GRID2: variants seen among roughly 807,000 people sequenced by gnomAD.
GRID2 encodes the protein glutamate receptor ionotropic, delta-2.
In GRID2, 33 loss-of-function variants were observed where a neutral mutation model predicts 114.8. That is an observed-to-expected ratio of 0.29 (90% CI 0.22 to 0.38). GRID2 has a LOEUF of 0.38. GRID2 is among the 10% of genes least tolerant of loss of function. GRID2 has a pLI of 1.00. For missense variants in GRID2, 1,184 were observed against 1,257.7 expected, an observed-to-expected ratio of 0.94 and a Z score of 0.89; for synonymous variants, 505 against 449.9, an observed-to-expected ratio of 1.12 and a Z score of -1.55.
intron 8 of GRID2, among the ~76,000 whole-genome samples, chr4:93,264,853 G>GCTCACTGCA (rs1750643914): frequency 6.6e-6 from 1 of 150,810 alleles, no homozygotes; most frequent in African/African-American, 2.4e-5. Flanking sequence ...CACAATCTCA[G>GCTCACTGCA]CTCACTGCAA....
intron 1 of GRID2, among the ~76,000 whole-genome samples, chr4:92,438,367 C>A (rs1300626887): frequency 6.6e-6 from 1 of 151,970 alleles, no homozygotes; most frequent in African/African-American, 2.4e-5. Context: ...TACTCAGATG[C>A]AATGATTGAT....
intron 2 of GRID2, among the ~76,000 whole-genome samples, chr4:92,713,153 C>T (rs1045414710): frequency 2.0e-5 from 3 of 150,020 alleles, no homozygotes; most frequent in African/African-American, 4.9e-5. Context: ...CCGCTCCCCC[C>T]ACCCCACAAC....
In GRID2 at chr4:93,080,863, C is replaced by T. The variant is rs570719974; in HGVS notation, c.245-4132C>T. ...AGAGGCTGGGAAGTCAAGATCAATA[C>T]ACTGGCGTCTGGAGAAGGTCTTCTT... On this transcript the variant is annotated intron_variant, in intron 2 of 15. Transcript: ENST00000282020. 3.0e-3 allele frequency among the ~76,000 whole-genome samples: 460 copies of T among 152,292 alleles called. 1 individual carries two copies. Among genetic ancestry groups the T allele is most frequent in the African/African-American group, 0.011 (447 of 41,564 alleles).
At chr4:93,303,922 T>G (rs1359455645) in intron 8 of GRID2, among the ~76,000 whole-genome samples, 1 of 152,126 alleles carries the variant, frequency 6.6e-6, no homozygotes, top group African/African-American at 2.4e-5. Context: ...TTTTACAAAT[T>G]TTATCTGAGG....
At chr4:93,029,510 T>C (rs1724190233) in intron 2 of GRID2, among the ~76,000 whole-genome samples, 1 of 152,134 alleles carries the variant, frequency 6.6e-6, no homozygotes, top group Admixed American at 6.6e-5. Context: ...AATATTAAAC[T>C]GTGTTTGTTT....
At chr4:92,970,167 CAT>C (rs986778221) in intron 2 of GRID2, among the ~76,000 whole-genome samples, 1 of 151,798 alleles carries the variant, frequency 6.6e-6, no homozygotes, top group African/African-American at 2.4e-5. Flanking sequence ...GTAAGAATGC[CAT>C]AGAGTGCAGA....
At position 93,208,850 on chromosome 4, in the gene GRID2, C is replaced by G. The variant is rs182274535; in HGVS notation, c.789+1393C>G. On this transcript the variant is annotated intron_variant, in intron 5 of 15. Transcript: ENST00000282020. ...CTTTTCAATAAAGTTCTGGTACCTT[C>G]TAAGTTTCTAGTATGTCTTAATTTT... Among the ~76,000 whole-genome samples, 234 of 151,970 alleles carry G rather than the reference C, an allele frequency of 1.5e-3. 1 individual carries two copies. The highest frequency in any genetic ancestry group is 5.8e-3 in the Admixed American group (89 of 15,226).
Position 93,484,784 on chromosome 4 carries a change from C to T in GRID2, c.1859-5855C>T, listed in dbSNP as rs768450575. On this transcript the variant is annotated intron_variant, in intron 11 of 15. Coordinates refer to ENST00000282020, the MANE Select transcript of GRID2 (RefSeq NM_001510.4). ...CATCCAGTTAGGTCACAGTTCACTACGCATGAAGAAACCTTGAGGCCAAAC... is the reference window on the plus strand; with the variant it reads ...CATCCAGTTAGGTCACAGTTCACTATGCATGAAGAAACCTTGAGGCCAAAC... Among the ~76,000 whole-genome samples the T allele has an allele frequency of 1.4e-4, 22 of 151,968 alleles. 1 individual carries two copies. Among genetic ancestry groups the T allele is most frequent in the Admixed American group, 5.3e-4 (8 of 15,222 alleles).
At chr4:93,277,870 A>T (rs1200381383) in intron 8 of GRID2, among the ~76,000 whole-genome samples, 1 of 151,956 alleles carries the variant, frequency 6.6e-6, no homozygotes, top group Non-Finnish European at 1.5e-5. Flanking sequence ...AACAGAGGGA[A>T]CACGTATTGA....
At chr4:92,539,029 A>C (rs2149160488) in intron 1 of GRID2, among the ~76,000 whole-genome samples, 1 of 145,642 alleles carries the variant, frequency 6.9e-6, no homozygotes, top group South Asian at 2.3e-4. Flanking sequence ...GCGACAGAGC[A>C]AGACTCCATC....
At chr4:93,440,123 G>A (rs1322674541) in intron 10 of GRID2, among the ~76,000 whole-genome samples, 1 of 152,008 alleles carries the variant, frequency 6.6e-6, no homozygotes, top group African/African-American at 2.4e-5. Flanking sequence ...ATGAAGAAGG[G>A]TTCTCAGCTG....
chr4:93,444,624 A>G (rs1183496484), intron 10 of GRID2, among the ~76,000 whole-genome samples: 1 of 152,030 alleles, frequency 6.6e-6, no homozygotes, highest in African/African-American at 2.4e-5. Flanking sequence ...TCAAAGCGAA[A>G]ATATGTAAAT....
chr4:93,205,326 G>C (rs1742592562), intron 4 of GRID2, among the ~76,000 whole-genome samples: 1 of 151,648 alleles, frequency 6.6e-6, no homozygotes, highest in Admixed American at 6.6e-5. Flanking sequence ...GATAATAATA[G>C]TCCCTGGAGT....
intron 4 of GRID2, among the ~76,000 whole-genome samples, chr4:93,122,895 T>TTTTTTG (rs1337266458): frequency 6.8e-6 from 1 of 147,652 alleles, no homozygotes; most frequent in Non-Finnish European, 1.5e-5. Context: ...TGTGGGTTTT[T>TTTTTTG]TTTTTTTTTT....
chr4:92,649,749 TC>T (rs1327959621), intron 2 of GRID2, among the ~76,000 whole-genome samples: 2 of 152,124 alleles, frequency 1.3e-5, no homozygotes, highest in East Asian at 3.9e-4. Flanking sequence ...TGGAACTAAT[TC>T]TTTCCTCTGA....
chr4:93,701,614 C>A (rs560631195), intron 14 of GRID2, among the ~76,000 whole-genome samples: 1 of 152,042 alleles, frequency 6.6e-6, no homozygotes, highest in African/African-American at 2.4e-5. Flanking sequence ...AGAAACAGAC[C>A]ATTTTGATAA....
chr4:93,283,437 A>G (rs556450649), intron 8 of GRID2, among the ~76,000 whole-genome samples: 1 of 152,224 alleles, frequency 6.6e-6, no homozygotes, highest in African/African-American at 2.4e-5. Context: ...TGCCTAACAT[A>G]TCAGAATCAC....
chr4:92,626,468 G>A (rs1359539665), intron 2 of GRID2, among the ~76,000 whole-genome samples: 1 of 151,940 alleles, frequency 6.6e-6, no homozygotes, highest in Non-Finnish European at 1.5e-5. Flanking sequence ...AAACAACATA[G>A]CGATTAAAGG....
chr4:93,484,018 T>C (rs959190935), intron 11 of GRID2, among the ~76,000 whole-genome samples: 1 of 151,890 alleles, frequency 6.6e-6, no homozygotes. Flanking sequence ...AAATGCATAT[T>C]TTTTTTCTAA....
Sources: gnomAD v4.1 joint callset for allele counts (sites outside exome capture counted in the v4.1 genomes callset) on GRCh38, gnomAD v4.1.1 for gene constraint, MANE v1.5 for transcripts, NCBI Gene and HGNC (gene_info 2026-07-23, HGNC 2026-07-21) for gene names.